The following SLC24A2 variants were observed in gnomAD, a reference collection of about 807,000 sequenced individuals.
The protein encoded by SLC24A2 is sodium/potassium/calcium exchanger 2.
In SLC24A2, 36 loss-of-function variants were observed where a neutral mutation model predicts 62.0. The observed-to-expected ratio is 0.58, with a 90% CI of 0.44 to 0.77. SLC24A2 has a LOEUF of 0.77. SLC24A2 is among the 30% of genes least tolerant of loss of function. SLC24A2 has a pLI of 0.00. For missense variants in SLC24A2, 846 were observed against 817.9 expected (o/e 1.03, Z -0.42); for synonymous variants, 358 against 294.0 (o/e 1.22, Z -2.23).
the SLC24A2 span, among the ~76,000 whole-genome samples, chr9:20,050,643 G>T: frequency 1.3e-5 from 2 of 152,176 alleles, no homozygotes; most frequent in African/African-American, 2.4e-5. Flanking sequence ...AGGTTATAAA[G>T]ATGTATCAAC....
At chr9:20,246,656 T>A in the SLC24A2 span, among the ~76,000 whole-genome samples, 3 of 152,014 alleles carry the variant, frequency 2.0e-5, no homozygotes. Flanking sequence ...AGGGAAAAAA[T>A]TCAATCACAA....
the SLC24A2 span, among the ~76,000 whole-genome samples, chr9:20,193,009 C>G: frequency 6.6e-6 from 1 of 152,132 alleles, no homozygotes; most frequent in Non-Finnish European, 1.5e-5. Context: ...TAGTGCTTTT[C>G]CATCCCTAGT....
At chr9:20,012,402 A>G in the SLC24A2 span, among the ~76,000 whole-genome samples, 5 of 152,200 alleles carry the variant, frequency 3.3e-5, no homozygotes, top group Admixed American at 1.3e-4. Flanking sequence ...ACCTGCCCCT[A>G]TGATTCAGTT....
chr9:20,206,234 A>T, the SLC24A2 span, among the ~76,000 whole-genome samples: 1 of 152,206 alleles, frequency 6.6e-6, no homozygotes, highest in East Asian at 1.9e-4. Flanking sequence ...ATATTAAAAT[A>T]ATCTCCCCAT....
At chr9:19,992,258 G>A in the SLC24A2 span, among the ~76,000 whole-genome samples, 1 of 152,202 alleles carries the variant, frequency 6.6e-6, no homozygotes, top group Non-Finnish European at 1.5e-5. Flanking sequence ...TGAGGCTCAA[G>A]AGGAATACCT....
At chr9:19,718,187 G>T (rs1820915871) in intron 2 of SLC24A2, among the ~76,000 whole-genome samples, 1 of 151,542 alleles carries the variant, frequency 6.6e-6, no homozygotes, top group Non-Finnish European at 1.5e-5. Flanking sequence ...CTGTTGGTAA[G>T]GCTGGTGTCG....
chr9:19,638,023 C>T (rs1278234714), intron 2 of SLC24A2, among the ~76,000 whole-genome samples: 1 of 152,196 alleles, frequency 6.6e-6, no homozygotes, highest in Non-Finnish European at 1.5e-5. Context: ...GACTTACATG[C>T]ATTATTCATT....
intron 2 of SLC24A2, among the ~76,000 whole-genome samples, chr9:19,711,049 A>G (rs1669076836): frequency 6.6e-6 from 1 of 152,222 alleles, no homozygotes; most frequent in Admixed American, 6.5e-5. Context: ...AGCAGAAAAA[A>G]TATTTTCTAG....
the SLC24A2 span, among the ~76,000 whole-genome samples, chr9:20,178,771 T>A: frequency 6.6e-6 from 1 of 152,166 alleles, no homozygotes; most frequent in Non-Finnish European, 1.5e-5. Flanking sequence ...GATTCTTTTA[T>A]ATAAGTGCCA....
intron 2 of SLC24A2, among the ~76,000 whole-genome samples, chr9:19,654,756 T>C (rs924662696): frequency 6.6e-6 from 1 of 152,192 alleles, no homozygotes; most frequent in Non-Finnish European, 1.5e-5. Context: ...CCTAGTTCCA[T>C]GATTGCAATG....
At chr9:19,969,169 C>A in the SLC24A2 span, among the ~76,000 whole-genome samples, 1 of 137,836 alleles carries the variant, frequency 7.3e-6, no homozygotes, top group African/African-American at 2.6e-5. Context: ...CCTCTGCGTC[C>A]GCCACCTCCT....
chr9:20,277,734 T>TG, the SLC24A2 span, among the ~76,000 whole-genome samples: 4 of 152,316 alleles, frequency 2.6e-5, no homozygotes, highest in Admixed American at 2.0e-4. Flanking sequence ...ATCCCATTAC[T>TG]GGTATATACC....
chr9:19,605,806 T>C (rs1304768795), intron 4 of SLC24A2, among the ~76,000 whole-genome samples: 3 of 152,234 alleles, frequency 2.0e-5, no homozygotes, highest in Non-Finnish European at 4.4e-5. Context: ...CCACGACAGA[T>C]ACCATTATCT....
chr9:19,816,099 G>A, the SLC24A2 span, among the ~76,000 whole-genome samples: 1 of 150,950 alleles, frequency 6.6e-6, no homozygotes, highest in South Asian at 2.1e-4. Flanking sequence ...AGTTTTTCAC[G>A]AGTGTGCTTT....
At chr9:20,015,769 G>A in the SLC24A2 span, among the ~76,000 whole-genome samples, 1 of 152,186 alleles carries the variant, frequency 6.6e-6, no homozygotes, top group South Asian at 2.1e-4. Context: ...AATAGTTCTG[G>A]ATGGCATCTA....
At chr9:20,073,919 G>GATATATATATATATATATATATATAT in the SLC24A2 span, among the ~76,000 whole-genome samples, 3 of 140,784 alleles carry the variant, frequency 2.1e-5, no homozygotes, top group African/African-American at 7.8e-5. Flanking sequence ...CTTGTGGGGA[G>GATATATATATATATATATATATATAT]ATATATATAT....
chr9:20,221,248 CTG>C, the SLC24A2 span, among the ~76,000 whole-genome samples: 1 of 151,978 alleles, frequency 6.6e-6, no homozygotes, highest in African/African-American at 2.4e-5. Flanking sequence ...TAATAATAGA[CTG>C]TGGGAGACAA....
At chr9:19,794,480 T>G in the SLC24A2 span, among the ~76,000 whole-genome samples, 1 of 151,848 alleles carries the variant, frequency 6.6e-6, no homozygotes, top group African/African-American at 2.4e-5. Flanking sequence ...AGGGTGAGGA[T>G]TGCTGATTAC....
intron 2 of SLC24A2, among the ~76,000 whole-genome samples, chr9:19,778,737 C>T (rs1195603882): frequency 6.6e-6 from 1 of 152,064 alleles, no homozygotes; most frequent in African/African-American, 2.4e-5. Context: ...AAAACCCAGG[C>T]CTCAATGGAG....
Sources: allele counts gnomAD v4.1 joint callset (sites outside exome capture counted in the v4.1 genomes callset), GRCh38; gene constraint gnomAD v4.1.1; transcripts MANE v1.5; gene names NCBI Gene and HGNC (gene_info 2026-07-23, HGNC 2026-07-21).